LPIN1: variants seen among roughly 807,000 people sequenced by gnomAD.
LPIN1 encodes the protein phosphatidate phosphatase LPIN1.
A neutral mutation model predicts 107.5 loss-of-function variants in LPIN1; 71 were observed. The ratio of observed to expected loss-of-function variants is 0.66; its 90% CI spans 0.55 to 0.80. LPIN1 has a LOEUF of 0.80. LPIN1 is among the 30% of genes least tolerant of loss of function. The pLI, the probability that LPIN1 is intolerant of heterozygous loss-of-function variation, is 0.00. For missense variants in LPIN1, 1,043 were observed against 1,160.6 expected (o/e 0.90, Z 1.47); for synonymous variants, 445 against 452.6 (o/e 0.98, Z 0.21).
rs371768121 is a variant in LPIN1, at chr2:11,791,935, A to C, written c.1735A>C (p.Arg579=). 1 of 1,613,946 alleles carries C rather than the reference A, an allele frequency of 6.2e-7. No homozygotes were observed. Among genetic ancestry groups the C allele is most frequent in the Non-Finnish European group, 8.5e-7 (1 of 1,179,900 alleles). The change falls in exon 13 of 21, where the codon AGG becomes CGG. Residue 579 remains arginine (R), a synonymous_variant. Coordinates refer to ENST00000674199, the MANE Select transcript of LPIN1 (RefSeq NM_001349206.2). ...LPKATVESIM[R]DKMPKKGGRW... Reference sequence around the variant, plus strand: ...ACAGGCCACTGTGGAATCTATCATGAGGGATAAAATGCCCAAAAAGGGAGG... The same window carrying C: ...ACAGGCCACTGTGGAATCTATCATGCGGGATAAAATGCCCAAAAAGGGAGG...
intron 1 of LPIN1, among the ~76,000 whole-genome samples, chr2:11,704,677 C>A (rs946888570): frequency 1.3e-5 from 2 of 152,152 alleles, no homozygotes; most frequent in African/African-American, 4.8e-5. Flanking sequence ...CCTCATTGTA[C>A]ACTCAGGGAC....
chr2:11,770,778 G>C (rs1671713066), intron 3 of LPIN1, among the ~76,000 whole-genome samples: 1 of 152,090 alleles, frequency 6.6e-6, no homozygotes, highest in Admixed American at 6.5e-5. Context: ...TTTTCCTTTT[G>C]TCTTTAAGGA....
chr2:11,741,097 G>A, intron 1 of LPIN1: 1 of 331,622 alleles, frequency 3.0e-6, no homozygotes, highest in Non-Finnish European at 5.5e-6. Context: ...CAAGGAGCAG[G>A]ACGGCCTTCA....
At chr2:11,738,082 G>A (rs1665968308) in intron 1 of LPIN1, among the ~76,000 whole-genome samples, 1 of 152,170 alleles carries the variant, frequency 6.6e-6, no homozygotes. Context: ...CATGTCCTTT[G>A]TAGGGGCATG....
chr2:11,794,296 T>G (rs984799082), intron 13 of LPIN1, among the ~76,000 whole-genome samples: 1 of 152,244 alleles, frequency 6.6e-6, no homozygotes, highest in Non-Finnish European at 1.5e-5. Flanking sequence ...AATATCCAAA[T>G]TCTCACCAGT....
At chr2:11,685,851 T>C (rs1572302322) in intron 1 of LPIN1, among the ~76,000 whole-genome samples, 1 of 152,336 alleles carries the variant, frequency 6.6e-6, no homozygotes, top group East Asian at 1.9e-4. Context: ...GTTTCTCTTT[T>C]CTCAGCCCTT....
At chr2:11,793,511 C>T (rs1381609481) in intron 13 of LPIN1, among the ~76,000 whole-genome samples, 4 of 152,240 alleles carry the variant, frequency 2.6e-5, no homozygotes, top group Non-Finnish European at 5.9e-5. Context: ...CCACGGCCTA[C>T]AGTGCTTGTG....
intron 20 of LPIN1, among the ~76,000 whole-genome samples, chr2:11,822,631 C>T (rs1209001869): frequency 1.3e-5 from 2 of 152,144 alleles, no homozygotes; most frequent in Non-Finnish European, 2.9e-5. Flanking sequence ...ATGGGAAAGA[C>T]CTGCCTCCAT....
chr2:11,713,784 T>C, exon 2 of LPIN1: 1 of 1,523,844 alleles, frequency 6.6e-7, no homozygotes, highest in Non-Finnish European at 8.8e-7. Context: ...CCTGGGTGGA[T>C]TCGAAATGTA....
At chr2:11,773,879 G>A (rs1396933016) in intron 5 of LPIN1, 134 bp downstream of exon 5, 12 of 979,618 alleles carry the variant, frequency 1.2e-5, no homozygotes, top group South Asian at 7.6e-5. Context: ...GTGTAGAGTC[G>A]GAGGTACAGA....
intron 20 of LPIN1, among the ~76,000 whole-genome samples, chr2:11,822,562 C>T (rs1322269944): frequency 6.6e-6 from 1 of 152,182 alleles, no homozygotes; most frequent in East Asian, 1.9e-4. Context: ...AGAGCTCGTG[C>T]AGGGAAACTC....
rs575625431 is a variant in LPIN1 at position 11,795,548 on chromosome 2, G to A, written c.1886+61G>A. The A allele has an allele frequency of 3.5e-6, 5 of 1,431,052 alleles. No homozygotes were observed. The African/African-American group carries it at 4.2e-5, about 12-fold the overall frequency. The allele number at this position is 1,431,052 out of a possible 1,614,324, so 88.6% of individuals were successfully genotyped here. A position where few individuals can be genotyped will look rare whatever the true frequency, so the allele number is the denominator to read the frequency against. ...CTTTCCGCATCCAAGTTCATGGCGT[G>A]TGCTGCCTGGATGCAGATAGGGTTC... On this transcript the variant is annotated intron_variant, in intron 14 of 20. Transcript: ENST00000674199.
At chr2:11,744,989 C>T (rs141061870), upstream of LPIN1, among the ~76,000 whole-genome samples, 4 of 152,352 alleles carry the variant, frequency 2.6e-5, no homozygotes, top group East Asian at 3.9e-4. Context: ...ACCAGATGGA[C>T]GGGAGCCGCG....
At chr2:11,808,061 C>T (rs946382318) in intron 17 of LPIN1, among the ~76,000 whole-genome samples, 2 of 152,116 alleles carry the variant, frequency 1.3e-5, no homozygotes, top group Non-Finnish European at 2.9e-5. Context: ...CTGATTTTCG[C>T]TTCTCCATAT....
At chr2:11,686,430 G>A (rs1393317285) in intron 1 of LPIN1, among the ~76,000 whole-genome samples, 1 of 152,326 alleles carries the variant, frequency 6.6e-6, no homozygotes, top group East Asian at 1.9e-4. Context: ...AGGAGAGGAG[G>A]GCTAGAACGC....
At chr2:11,680,435 G>A (rs1661653111) in intron 1 of LPIN1, among the ~76,000 whole-genome samples, 2 of 152,138 alleles carry the variant, frequency 1.3e-5, no homozygotes, top group Non-Finnish European at 2.9e-5. Context: ...GGGCGATCTG[G>A]GGGCGGTGCG....
intron 1 of LPIN1, among the ~76,000 whole-genome samples, chr2:11,705,119 G>A (rs561600868): frequency 2.6e-5 from 4 of 152,222 alleles, no homozygotes; most frequent in South Asian, 4.2e-4. Flanking sequence ...GATGAATAAA[G>A]CCATCTCCAG....
At chr2:11,777,383 T>C (rs937740901) in intron 6 of LPIN1, 1 of 152,246 alleles carries the variant, frequency 6.6e-6, no homozygotes, top group Non-Finnish European at 1.5e-5. Flanking sequence ...GGGCTCCTTA[T>C]GCGTGAGTTG....
intron 10 of LPIN1, among the ~76,000 whole-genome samples, chr2:11,785,653 C>A (rs1031007085): frequency 1.5e-4 from 23 of 152,086 alleles, no homozygotes; most frequent in African/African-American, 5.3e-4. Context: ...CCCCTCCCGC[C>A]CCCTCTCTCA....
Sources: allele counts gnomAD v4.1 joint callset (sites outside exome capture counted in the v4.1 genomes callset), GRCh38; gene constraint gnomAD v4.1.1; transcripts MANE v1.5; gene names NCBI Gene and HGNC (gene_info 2026-07-23, HGNC 2026-07-21).